ART4: variants seen among roughly 807,000 people sequenced by gnomAD.
ART4 encodes ADP-ribosyltransferase 4 (inactive) (Dombrock blood group), also known as ecto-ADP-ribosyltransferase 4.
A neutral mutation model predicts 24.2 loss-of-function variants in ART4; 14 were observed. That is an observed-to-expected ratio of 0.58 (90% CI 0.38 to 0.90). ART4 has a LOEUF of 0.90. Ranked by LOEUF, ART4 falls within the 40% of genes least tolerant of loss-of-function variation. The pLI, the probability that ART4 is intolerant of heterozygous loss-of-function variation, is 0.00. For synonymous variants in ART4, 145 were observed against 139.9 expected, an observed-to-expected ratio of 1.04 and a Z score of -0.26; for missense variants, 356 against 366.6, an observed-to-expected ratio of 0.97 and a Z score of 0.24.
chr12:14,829,280 T>C lies in ART4; in HGVS notation c.*91A>G. On this transcript the variant is annotated 3_prime_UTR_variant, in exon 3 of 3. Transcript: ENST00000228936. ...AGAAGTATGATGGGATCATCCTTCC[T>C]GGAAAATAAATGTCCATTTCTAGCC... 1.1e-6 allele frequency: 1 copy of C among 902,664 alleles called. No individual in the cohort carries two copies. The highest frequency in any genetic ancestry group is 1.6e-6 in the Non-Finnish European group (1 of 619,830). The allele number at this position is 902,664 out of a possible 1,614,324, so 55.9% of individuals were successfully genotyped here.
intron 2 of ART4, among the ~76,000 whole-genome samples, chr12:14,837,287 G>T (rs1592250093): frequency 6.6e-6 from 1 of 152,174 alleles, no homozygotes; most frequent in Non-Finnish European, 1.5e-5. Flanking sequence ...AGGGGTTGAA[G>T]CTTCTAGAAT....
chr12:14,840,677 G>A lies in ART4; in HGVS notation c.621C>T (p.Phe207=), dbSNP rs1950462966. 1 of 1,614,038 alleles carries A rather than the reference G, an allele frequency of 6.2e-7. No homozygotes were observed. Among genetic ancestry groups the A allele is most frequent in the African/African-American group, 1.3e-5 (1 of 74,926 alleles). ...CTTCTTTCAGGAGGGATGTGGAGAG[G>A]AATTGGCCAAATCGAATGGTGGCCC... The part of the protein sequence containing the change: ...YTGATIRFGQ[F]LSTSLLKEEA... Residue 207 remains phenylalanine (F), a synonymous_variant, in exon 2 of 3, where the codon TTC becomes TTT. Coordinates refer to ENST00000228936, the MANE Select transcript of ART4 (RefSeq NM_021071.4).
intron 1 of ART4, among the ~76,000 whole-genome samples, chr12:14,842,486 A>G (rs1863065908): frequency 6.6e-6 from 1 of 152,186 alleles, no homozygotes; most frequent in Admixed American, 6.5e-5. Flanking sequence ...GCCAAACCAA[A>G]CCAATAATAC....
intron 2 of ART4, among the ~76,000 whole-genome samples, chr12:14,832,725 A>G (rs954162381): frequency 6.6e-6 from 1 of 152,226 alleles, no homozygotes; most frequent in African/African-American, 2.4e-5. Context: ...AGACAAACAC[A>G]TAGACACTAC....
rs1002088075 is a variant in ART4 at position 14,826,559 on chromosome 12, G to A, written c.*2812C>T. 1.3e-5 allele frequency: 2 copies of A among 152,136 alleles called. No individual in the cohort carries two copies. The highest frequency in any genetic ancestry group is 3.9e-4 in the East Asian group (2 of 5,194). 9.4% of individuals were successfully genotyped at this position (152,136 alleles called of 1,614,324 possible). A position where few individuals can be genotyped will look rare whatever the true frequency, so the allele number is the denominator to read the frequency against. On this transcript the variant is annotated 3_prime_UTR_variant, in exon 3 of 3. Transcript: ENST00000228936. ...TGCTGCTTGTGCCTAGAGAGTCAACGCTTTAGGAGAATTGTCTTACTCAGA... is the reference window on the plus strand; with the variant it reads ...TGCTGCTTGTGCCTAGAGAGTCAACACTTTAGGAGAATTGTCTTACTCAGA...
Position 14,840,461 on chromosome 12 carries a change from G to C in ART4, c.837C>G (p.Asn279Lys), listed in dbSNP as rs1425341693. ...AAAGAATACCTTTTAGCAGCTGACA[G>C]TTATATGTGCTCAGGTTCCCAGTTG... ...LRSTGNLSTY[N>K]CQLLKASSKK... Residue 279 changes from asparagine to lysine, a missense_variant, in exon 2 of 3, where the codon AAC becomes AAG. Asn to Lys is a moderately conservative substitution (Grantham distance 94). Coordinates refer to ENST00000228936, the MANE Select transcript of ART4 (RefSeq NM_021071.4). The C allele has an allele frequency of 1.2e-6, 2 of 1,611,518 alleles. No individual in the cohort carries two copies. Among genetic ancestry groups the C allele is most frequent in the South Asian group, 2.2e-5 (2 of 90,506 alleles).
intron 2 of ART4, among the ~76,000 whole-genome samples, chr12:14,829,776 C>A (rs931262098): frequency 3.9e-5 from 6 of 152,186 alleles, no homozygotes; most frequent in Non-Finnish European, 8.8e-5. Context: ...TAATTATCAT[C>A]ATCTTCATCA....
chr12:14,840,622 A>G lies in ART4; in HGVS notation c.676T>C (p.Phe226Leu). 6.2e-7 allele frequency: 1 copy of G among 1,614,162 alleles called. No homozygotes were observed. The highest frequency in any genetic ancestry group is 1.1e-5 in the South Asian group (1 of 91,076). The stretch of plus-strand genomic sequence containing the variant: ...GCACCCAGGCAGGTGAATATGGTAA[A>G]TAGTGTCTGGTTCCCAAACTCCTGT... ...EAQEFGNQTL[F>L]TIFTCLGAPV... The change falls in exon 2 of 3, where the codon TTT (phenylalanine) becomes CTT (leucine). Residue 226 changes from phenylalanine to leucine, a missense_variant. Coordinates refer to ENST00000228936, the MANE Select transcript of ART4 (RefSeq NM_021071.4).
chr12:14,838,305 A>T (rs760207506), intron 2 of ART4, among the ~76,000 whole-genome samples: 2 of 152,154 alleles, frequency 1.3e-5, no homozygotes, highest in Non-Finnish European at 2.9e-5. Flanking sequence ...TTTATATTAT[A>T]TACTCCTTTC....
chr12:14,830,778 A>G (rs1302786743), intron 2 of ART4, among the ~76,000 whole-genome samples: 1 of 145,464 alleles, frequency 6.9e-6, no homozygotes, highest in Non-Finnish European at 1.5e-5. Flanking sequence ...AATTTTCAAG[A>G]CCTCAATTTT....
At position 14,837,938 on chromosome 12, in the gene ART4, A is replaced by G. The variant is rs545689557; in HGVS notation, c.853+2507T>C. On this transcript the variant is annotated intron_variant, in intron 2 of 2. Coordinates refer to ENST00000228936, the MANE Select transcript of ART4 (RefSeq NM_021071.4). ...AGAACACATAGCTATTAAGTGGTAC[A>G]GTGGGATATAAATTCAAACAGAGTG... is the stretch of plus-strand genomic sequence containing the variant. Among the ~76,000 whole-genome samples, 4 of 152,368 alleles carry G rather than the reference A, an allele frequency of 2.6e-5. No homozygotes were observed. The East Asian group carries it at 7.7e-4, about 29-fold the overall frequency.
At chr12:14,837,010 T>C (rs1950435532) in intron 2 of ART4, among the ~76,000 whole-genome samples, 1 of 152,144 alleles carries the variant, frequency 6.6e-6, no homozygotes, top group Non-Finnish European at 1.5e-5. Context: ...GAGGGTCACT[T>C]GAAAACAAAC....
At chr12:14,838,749 G>T (rs1384585040) in intron 2 of ART4, among the ~76,000 whole-genome samples, 2 of 152,066 alleles carry the variant, frequency 1.3e-5, no homozygotes, top group African/African-American at 4.8e-5. Flanking sequence ...CAACACTACT[G>T]CCCTGAAATG....
Position 14,840,555 on chromosome 12 carries a change from G to T in ART4, c.743C>A (p.Pro248His). ...TATAACTTTAAACAGCTCATAGGGA[G>T]GGATCAAGACTTCCTTCTTGAGGGA... ...YFSLKKEVLI[P>H]PYELFKVINM... The change falls in exon 2 of 3, where the codon CCT (proline) becomes CAT (histidine). Residue 248 changes from proline to histidine, a missense_variant. Pro to His is a moderately conservative substitution (Grantham distance 77, BLOSUM62 -2). Coordinates refer to ENST00000228936, the MANE Select transcript of ART4 (RefSeq NM_021071.4). The T allele has an allele frequency of 6.2e-7, 1 of 1,614,130 alleles. No homozygotes were observed. The highest frequency in any genetic ancestry group is 1.1e-5 in the South Asian group (1 of 91,076).
At chr12:14,837,509 T>TTTTA (rs1389221488) in intron 2 of ART4, among the ~76,000 whole-genome samples, 1 of 152,050 alleles carries the variant, frequency 6.6e-6, no homozygotes, top group Non-Finnish European at 1.5e-5. Flanking sequence ...ATATAAATAA[T>TTTTA]TTTATTTATT....
At position 14,843,182 on chromosome 12, in the gene ART4, C is replaced by G. The variant is rs1028524325; in HGVS notation, c.-69G>C. On this transcript the variant is annotated 5_prime_UTR_variant, in exon 1 of 3. Transcript: ENST00000228936. The stretch of plus-strand genomic sequence containing the variant: ...TCCTGAGATGAATTCTCAGAGTTCT[C>G]CTTTGAGGTTTTCTTTCAGTCTCAT... 2.7e-5 allele frequency: 43 copies of G among 1,587,006 alleles called. No homozygotes were observed. The highest frequency in any genetic ancestry group is 1.7e-4 in the Middle Eastern group (1 of 5,916).
chr12:14,830,743 G>C (rs1293314534), intron 2 of ART4, among the ~76,000 whole-genome samples: 1 of 128,412 alleles, frequency 7.8e-6, no homozygotes, highest in Admixed American at 8.7e-5. Flanking sequence ...TTCTCACTCT[G>C]TCACCAAGCT....
rs1950363502 is a variant in ART4, at chr12:14,826,998, G to A, written c.*2373C>T. 1 of 151,248 alleles carries A rather than the reference G, an allele frequency of 6.6e-6. No homozygotes were observed. 9.4% of individuals were successfully genotyped at this position (151,248 alleles called of 1,614,324 possible). A position where few individuals can be genotyped will look rare whatever the true frequency, so the allele number is the denominator to read the frequency against. Reference sequence around the variant, plus strand: ...TAAAGCCTTCCGGGTGTCTCTTCTTGCCTCAGTTGGAAGAAATCTTTCTTT... The same window carrying A: ...TAAAGCCTTCCGGGTGTCTCTTCTTACCTCAGTTGGAAGAAATCTTTCTTT... On this transcript the variant is annotated 3_prime_UTR_variant, in exon 3 of 3. Coordinates refer to ENST00000228936, the MANE Select transcript of ART4 (RefSeq NM_021071.4).
Position 14,830,536 on chromosome 12 carries a change from AGTGTGTGTGTGT to A in ART4, c.854-1086_854-1075del, listed in dbSNP as rs55694373. 9.2e-3 allele frequency among the ~76,000 whole-genome samples: 1,141 copies of A among 124,180 alleles called. 23 individuals carry two copies. The highest frequency in any genetic ancestry group is 0.029 in the South Asian group (105 of 3,612). The allele number at this position is 124,180 out of a possible 152,430, so 81.5% of individuals were successfully genotyped here. A position where few individuals can be genotyped will look rare whatever the true frequency, so the allele number is the denominator to read the frequency against. On this transcript the variant is annotated intron_variant, in intron 2 of 2. Coordinates refer to ENST00000228936, the MANE Select transcript of ART4 (RefSeq NM_021071.4). ...TAGTTTTTTGGAATTTCTATATAGGAGTGTGTGTGTGTGTGTGTGTGTGTGTGTGTGTGTGTG... is the reference window on the plus strand; with the variant it reads ...TAGTTTTTTGGAATTTCTATATAGGAGTGTGTGTGTGTGTGTGTGTGTGTG...
Sources: gnomAD v4.1 joint callset for allele counts (sites outside exome capture counted in the v4.1 genomes callset) on GRCh38, gnomAD v4.1.1 for gene constraint, MANE v1.5 for transcripts, NCBI Gene and HGNC (gene_info 2026-07-23, HGNC 2026-07-21) for gene names.